Variants in GRID1 observed in about 807,000 individuals in gnomAD.
GRID1 encodes glutamate ionotropic receptor delta type subunit 1, also known as glutamate receptor ionotropic, delta-1.
GRID1 carries 28 observed loss-of-function variants against 98.0 expected under a neutral mutation model. The ratio of observed to expected loss-of-function variants is 0.29; its 90% CI spans 0.21 to 0.39. The LOEUF is 0.39. Among genes scored for constraint, GRID1 ranks in the 10% least tolerant of loss-of-function variants. The pLI, the probability that GRID1 is intolerant of heterozygous loss-of-function variation, is 1.00. For missense variants in GRID1, 1,111 were observed against 1,340.5 expected, an observed-to-expected ratio of 0.83 and a Z score of 2.67; for synonymous variants, 553 against 538.5, an observed-to-expected ratio of 1.03 and a Z score of -0.37.
At chr10:85,661,913 T>A (rs1343587149) in intron 12 of GRID1, among the ~76,000 whole-genome samples, 1 of 152,182 alleles carries the variant, frequency 6.6e-6, no homozygotes, top group Admixed American at 6.5e-5. Flanking sequence ...AAGGGAACCC[T>A]CAAAGGACTG....
At chr10:85,897,899 C>T (rs994161579) in intron 5 of GRID1, among the ~76,000 whole-genome samples, 3 of 152,150 alleles carry the variant, frequency 2.0e-5, no homozygotes, top group Non-Finnish European at 4.4e-5. Context: ...CACTCTGGCC[C>T]ACGGCATCTC....
rs749566905 is a variant in GRID1, at chr10:86,199,940, G to A, written c.520+6424C>T. ...AGAACAGGACCCAAGAGTGCCACCC[G>A]AGGTAGCAAGATATGGCTCCCAGAG... On this transcript the variant is annotated intron_variant, in intron 3 of 15. Coordinates refer to ENST00000327946, the MANE Select transcript of GRID1 (RefSeq NM_017551.3). Among the ~76,000 whole-genome samples, 6 of 151,954 alleles carry A rather than the reference G, an allele frequency of 3.9e-5. 1 individual carries two copies. Among genetic ancestry groups the A allele is most frequent in the Non-Finnish European group, 5.9e-5 (4 of 67,924 alleles).
chr10:85,961,022 A>C (rs576835412), intron 4 of GRID1, among the ~76,000 whole-genome samples: 10 of 151,950 alleles, frequency 6.6e-5, no homozygotes, highest in Non-Finnish European at 1.3e-4. Flanking sequence ...TGTGGTGTCT[A>C]GGCCTGGAGT....
At chr10:85,702,600 G>T (rs1841464720) in intron 12 of GRID1, among the ~76,000 whole-genome samples, 1 of 151,940 alleles carries the variant, frequency 6.6e-6, no homozygotes, top group African/African-American at 2.4e-5. Context: ...AAAAATTAAT[G>T]GCATATCAAC....
At chr10:86,216,828 C>T (rs996936944) in intron 2 of GRID1, among the ~76,000 whole-genome samples, 5 of 152,042 alleles carry the variant, frequency 3.3e-5, no homozygotes, top group Non-Finnish European at 7.4e-5. Context: ...CTGAGGAGCT[C>T]GGCTATGCCC....
chr10:85,701,762 T>C (rs11201736), intron 12 of GRID1, among the ~76,000 whole-genome samples: 2 of 152,194 alleles, frequency 1.3e-5, no homozygotes, highest in Admixed American at 1.3e-4. Flanking sequence ...CTCACTGATA[T>C]GTGAGAGCTA....
chr10:86,012,670 C>A (rs1842934476), intron 4 of GRID1, among the ~76,000 whole-genome samples: 1 of 152,082 alleles, frequency 6.6e-6, no homozygotes, highest in Non-Finnish European at 1.5e-5. Flanking sequence ...GTAACTGGAT[C>A]ATGAAGTGCT....
At chr10:86,124,840 C>T (rs1844729315) in intron 4 of GRID1, among the ~76,000 whole-genome samples, 1 of 152,146 alleles carries the variant, frequency 6.6e-6, no homozygotes, top group Non-Finnish European at 1.5e-5. Flanking sequence ...CTGGACAGAG[C>T]CAGGGCGGGA....
chr10:86,316,606 C>T (rs1256283305), intron 2 of GRID1, among the ~76,000 whole-genome samples: 3 of 152,274 alleles, frequency 2.0e-5, no homozygotes. Context: ...GAAGATGGGA[C>T]ACAGGGTGGA....
intron 4 of GRID1, among the ~76,000 whole-genome samples, chr10:85,988,842 C>T (rs1263521744): frequency 6.6e-6 from 1 of 152,172 alleles, no homozygotes; most frequent in Non-Finnish European, 1.5e-5. Context: ...TGGTGAGATA[C>T]ACAGACACAG....
chr10:86,036,291 G>A (rs1354570527), intron 4 of GRID1, among the ~76,000 whole-genome samples: 1 of 152,140 alleles, frequency 6.6e-6, no homozygotes, highest in Non-Finnish European at 1.5e-5. Context: ...TTCTGGCCTT[G>A]GGTCACACAT....
chr10:86,234,032 G>C lies in GRID1; in HGVS notation c.236-27384C>G, dbSNP rs531662643. 2.7e-4 allele frequency among the ~76,000 whole-genome samples: 41 copies of C among 152,226 alleles called. 1 individual carries two copies. In the South Asian group the frequency reaches 8.5e-3, roughly 32 times the overall value. On this transcript the variant is annotated intron_variant, in intron 2 of 15. Coordinates refer to ENST00000327946, the MANE Select transcript of GRID1 (RefSeq NM_017551.3). ...TGTGGCTGCACTACCTGCTCCAGTT[G>C]CTGTCCCCTCTCTGTGCCCCTTCAG...
chr10:85,880,935 C>A (rs972511390), intron 5 of GRID1, among the ~76,000 whole-genome samples: 1 of 152,166 alleles, frequency 6.6e-6, no homozygotes, highest in African/African-American at 2.4e-5. Context: ...TCTCAGGATA[C>A]AAAATCAATG....
chr10:86,139,718 T>C (rs1187667425), intron 3 of GRID1, among the ~76,000 whole-genome samples: 1 of 152,160 alleles, frequency 6.6e-6, no homozygotes, highest in Non-Finnish European at 1.5e-5. Context: ...AGCAGGGGGT[T>C]CAAGGAGGTA....
At chr10:85,890,799 G>A (rs1436067564) in intron 5 of GRID1, among the ~76,000 whole-genome samples, 1 of 152,100 alleles carries the variant, frequency 6.6e-6, no homozygotes, top group Non-Finnish European at 1.5e-5. Flanking sequence ...AAAGAAAAAG[G>A]GAGAGGGGAG....
chr10:85,846,533 T>G lies in GRID1; in HGVS notation c.1233+7963A>C, dbSNP rs187767442. 2.0e-5 allele frequency among the ~76,000 whole-genome samples: 3 copies of G among 151,568 alleles called. No homozygotes were observed. In the East Asian group the frequency reaches 5.9e-4, roughly 30 times the overall value. Reference sequence around the variant, plus strand: ...AGTGAGACTGTGTCTCGAAAAGTAATAAATAAATAAGAATAAAACAATTAT... The same window carrying G: ...AGTGAGACTGTGTCTCGAAAAGTAAGAAATAAATAAGAATAAAACAATTAT... On this transcript the variant is annotated intron_variant, in intron 8 of 15. Coordinates refer to ENST00000327946, the MANE Select transcript of GRID1 (RefSeq NM_017551.3).
At chr10:85,691,453 G>A (rs150806724) in intron 12 of GRID1, among the ~76,000 whole-genome samples, 26 of 152,034 alleles carry the variant, frequency 1.7e-4, no homozygotes, top group East Asian at 1.2e-3. Context: ...CCAGATCCTC[G>A]TAGTGAGCCC....
At chr10:86,328,527 T>C (rs968952981) in intron 2 of GRID1, among the ~76,000 whole-genome samples, 3 of 152,194 alleles carry the variant, frequency 2.0e-5, no homozygotes, top group Non-Finnish European at 4.4e-5. Flanking sequence ...CCTGGCAGCA[T>C]TTATCTTGCC....
intron 4 of GRID1, among the ~76,000 whole-genome samples, chr10:86,058,558 G>T (rs547858895): frequency 1.3e-5 from 2 of 152,178 alleles, no homozygotes; most frequent in Non-Finnish European, 2.9e-5. Context: ...ACCACAGCTC[G>T]AAGTTCTGGG....
Sources: allele counts gnomAD v4.1 joint callset (sites outside exome capture counted in the v4.1 genomes callset), GRCh38; gene constraint gnomAD v4.1.1; transcripts MANE v1.5; gene names NCBI Gene and HGNC (gene_info 2026-07-23, HGNC 2026-07-21).